Variants in ARSH observed in about 807,000 individuals in gnomAD.
ARSH encodes the protein arylsulfatase family member H, also known as arylsulfatase H.
A neutral mutation model predicts 28.7 loss-of-function variants in ARSH; 32 were observed. That is an observed-to-expected ratio of 1.11 (90% CI 0.84 to 1.50). The LOEUF (loss-of-function observed/expected upper bound fraction) is 1.50, where lower values mean the gene tolerates loss of function less well. ARSH is among the 40% of genes most tolerant of loss of function. ARSH has a pLI of 0.00. For missense variants in ARSH, 440 were observed against 452.4 expected, an observed-to-expected ratio of 0.97 and a Z score of 0.25; for synonymous variants, 176 against 177.3, an observed-to-expected ratio of 0.99 and a Z score of 0.06.
At chrX:3,027,544 TC>T in intron 7 of ARSH, 69 bp downstream of exon 7, 1 of 1,056,454 alleles carries the variant, frequency 9.5e-7, no homozygotes, top group African/African-American at 1.8e-5. Context: ...ACTTGATAAT[TC>T]TATGTGTGTG....
chrX:3,022,429 ACT>A, intron 5 of ARSH, among the ~76,000 whole-genome samples: 1 of 112,002 alleles, frequency 8.9e-6, no homozygotes, highest in Non-Finnish European at 1.9e-5. Flanking sequence ...AAAACAAATC[ACT>A]GAGTTTACGT....
At position 3,018,676 on chromosome X, in the gene ARSH, T is replaced by G. The variant is rs1392204692; in HGVS notation, c.901+6T>G. ...AGAAATGGATTGGATGGTGGGTAAGTATTCAGTAACAGAACTGTAAATATC... is the reference window on the plus strand; with the variant it reads ...AGAAATGGATTGGATGGTGGGTAAGGATTCAGTAACAGAACTGTAAATATC... On this transcript the variant is annotated splice_donor_region_variant and intron_variant, in intron 5 of 8. Transcript: ENST00000381130. 8.3e-7 allele frequency: 1 copy of G among 1,208,711 alleles called. No homozygotes were observed. Among genetic ancestry groups the G allele is most frequent in the East Asian group, 3.0e-5 (1 of 33,724 alleles).
At chrX:3,025,759 T>C (rs1376651907) in intron 6 of ARSH, among the ~76,000 whole-genome samples, 1 of 110,450 alleles carries the variant, frequency 9.1e-6, no homozygotes, top group African/African-American at 3.3e-5. Flanking sequence ...ACCATATATA[T>C]GCCATCTAAC....
chrX:3,015,536 T>C, intron 4 of ARSH, 143 bp downstream of exon 4: 1 of 580,465 alleles, frequency 1.7e-6, no homozygotes, highest in Non-Finnish European at 2.6e-6. Flanking sequence ...CTGTATTAAT[T>C]TGCTTAGAAT....
intron 8 of ARSH, among the ~76,000 whole-genome samples, chrX:3,032,261 G>A (rs1201429270): frequency 2.7e-5 from 3 of 110,126 alleles, no homozygotes; most frequent in Non-Finnish European, 5.7e-5. Context: ...TCCAGCCTGG[G>A]CGACAGAGTG....
intron 5 of ARSH, among the ~76,000 whole-genome samples, chrX:3,020,542 TTGTG>T (rs1322641340): frequency 2.1e-5 from 2 of 96,788 alleles, no homozygotes; most frequent in African/African-American, 7.9e-5. Context: ...TGAGCCGAGA[TTGTG>T]CCACTGCACT....
intron 8 of ARSH, among the ~76,000 whole-genome samples, chrX:3,031,959 T>C (rs1402555828): frequency 9.0e-6 from 1 of 111,192 alleles, no homozygotes; most frequent in African/African-American, 3.3e-5. Flanking sequence ...ACACCTGCAC[T>C]CCATGCAGTA....
At position 3,020,597 on chromosome X, in the gene ARSH, A is replaced by G. The variant is rs1966876; in HGVS notation, c.901+1927A>G. On this transcript the variant is annotated intron_variant, in intron 5 of 8. Coordinates refer to ENST00000381130, the MANE Select transcript of ARSH (RefSeq NM_001011719.2). ...GAGCCAGACTCAGTCTCAAAAAAAA[A>G]AAAAAAAAAAAAAAGAATACAAGGA... Among the ~76,000 whole-genome samples, 1,064 of 106,675 alleles carry G rather than the reference A, an allele frequency of 1.0e-2. 17 individuals are homozygous for G. Among genetic ancestry groups the G allele is most frequent in the African/African-American group, 0.035 (1,013 of 29,294 alleles). The allele number at this position is 106,675 out of a possible 115,157, so 92.6% of individuals were successfully genotyped here.
At chrX:3,020,824 T>C (rs1184740466) in intron 5 of ARSH, among the ~76,000 whole-genome samples, 1 of 110,542 alleles carries the variant, frequency 9.0e-6, no homozygotes, top group Non-Finnish European at 1.9e-5. Flanking sequence ...TGTGTGTATA[T>C]ATATACACAC....
intron 7 of ARSH, 22 bp from the exon 8 acceptor site, chrX:3,029,225 A>G: frequency 8.3e-7 from 1 of 1,201,651 alleles, no homozygotes; most frequent in East Asian, 3.0e-5. Context: ...ATCACCTTCT[A>G]CACACCCCCT....
chrX:3,014,884 T>G, intron 3 of ARSH, 86 bp from the exon 4 acceptor site: 1 of 954,726 alleles, frequency 1.0e-6, no homozygotes, highest in South Asian at 2.4e-5. Flanking sequence ...TATATTTGAC[T>G]TTTCCAAAGG....
intron 8 of ARSH, among the ~76,000 whole-genome samples, chrX:3,032,486 G>A (rs2089917151): frequency 9.8e-6 from 1 of 102,464 alleles, no homozygotes; most frequent in African/African-American, 3.6e-5. Context: ...GAGGGAGCGA[G>A]GGAGGGAGAG....
intron 6 of ARSH, among the ~76,000 whole-genome samples, chrX:3,026,391 G>C (rs1208394600): frequency 8.9e-6 from 1 of 111,956 alleles, no homozygotes; most frequent in Non-Finnish European, 1.9e-5. Context: ...CAGTGAATGT[G>C]TCAGCAGTGA....
At chrX:3,010,198 T>A in intron 2 of ARSH, 47 bp downstream of exon 2, 1 of 1,168,832 alleles carries the variant, frequency 8.6e-7, no homozygotes, top group East Asian at 3.0e-5. Flanking sequence ...CCAGAATGCA[T>A]TCTAATGATT....
In ARSH at chrX:3,033,002, G is replaced by A; in HGVS notation, c.1322-16G>A. 2 of 1,195,887 alleles carry A rather than the reference G, an allele frequency of 1.7e-6. No homozygotes were observed. The highest frequency in any genetic ancestry group is 2.3e-6 in the Non-Finnish European group (2 of 887,111). On this transcript the variant is annotated splice_polypyrimidine_tract_variant and intron_variant, in intron 8 of 8. Transcript: ENST00000381130. ...CCACAAAGATGGTATCATACATAAT[G>A]CAACTTGTTTTTTAGGTGCAACTGT...
At chrX:3,023,901 G>A (rs1277455502) in intron 5 of ARSH, 120 bp from the exon 6 acceptor site, 9 of 715,546 alleles carry the variant, frequency 1.3e-5, no homozygotes, top group South Asian at 5.6e-5. Context: ...ATACAATATC[G>A]TGTAGTGCAG....
rs780652414 is a variant in ARSH, at chrX:3,033,045, T to C, written c.1349T>C (p.Val450Ala). 121 of 1,208,703 alleles carry C rather than the reference T, an allele frequency of 1.0e-4. No homozygotes were observed. Among genetic ancestry groups the C allele is most frequent in the Non-Finnish European group, 1.3e-4 (118 of 894,579 alleles). ...GCAACTGTGTGGAAAGCTCATTATG[T>C]GACTCCTAAATTCTACCCTGAAGGA... ...DCATVWKAHYVTPKFYPEGTG... is the reference protein window; with the variant it reads ...DCATVWKAHYATPKFYPEGTG... The change falls in exon 9 of 9, where the codon GTG becomes GCG. Residue 450 changes from valine (V) to alanine (A), a missense_variant. Physicochemically the swap from Val to Ala is moderately conservative, Grantham distance 64. Transcript: ENST00000381130.
Position 3,027,428 on chromosome X carries a change from C to G in ARSH, c.1152C>G (p.Ile384Met). 1.7e-6 allele frequency: 2 copies of G among 1,211,365 alleles called. No homozygotes were observed. The highest frequency in any genetic ancestry group is 2.2e-6 in the Non-Finnish European group (2 of 895,337). ...VINEPTSLMD[I>M]YPTLSYIGGG... is the part of the protein sequence containing the mutation. The stretch of plus-strand genomic sequence containing the variant: ...ATGAGCCCACCAGCTTAATGGACAT[C>G]TATCCGACGCTGTCTTATATAGGCG... Residue 384 changes from isoleucine (I) to methionine (M), a missense_variant, in exon 7 of 9, where the codon ATC (isoleucine) becomes ATG (methionine). Ile to Met is a conservative substitution (Grantham distance 10, BLOSUM62 1). Coordinates refer to ENST00000381130, the MANE Select transcript of ARSH (RefSeq NM_001011719.2).
At chrX:3,023,386 CTA>C (rs769994537) in intron 5 of ARSH, among the ~76,000 whole-genome samples, 350 of 102,989 alleles carry the variant, frequency 3.4e-3, no homozygotes, top group African/African-American at 0.012. Flanking sequence ...ATATATTTTC[CTA>C]TGTCAATAAA....
Sources: gnomAD v4.1 joint callset for allele counts (sites outside exome capture counted in the v4.1 genomes callset) on GRCh38, gnomAD v4.1.1 for gene constraint, MANE v1.5 for transcripts, NCBI Gene and HGNC (gene_info 2026-07-23, HGNC 2026-07-21) for gene names.